The following EGLN3 variants were observed in gnomAD, a reference collection of about 807,000 sequenced individuals.
EGLN3 encodes the protein egl-9 family hypoxia inducible factor 3.
In EGLN3, 15 loss-of-function variants were observed where a neutral mutation model predicts 26.0. That is an observed-to-expected ratio of 0.58 (90% CI 0.39 to 0.89). The LOEUF is 0.89. Among genes scored for constraint, EGLN3 ranks in the 40% least tolerant of loss-of-function variants. The probability of loss-of-function intolerance (pLI) is 0.00; values close to 1 mark genes in which losing one functional copy is unlikely to be tolerated. For synonymous variants in EGLN3, 147 were observed against 127.2 expected (o/e 1.16, Z -1.05); for missense variants, 238 against 311.6 (o/e 0.76, Z 1.78).
At chr14:33,933,437 A>G (rs561500004) in intron 1 of EGLN3, among the ~76,000 whole-genome samples, 1 of 152,180 alleles carries the variant, frequency 6.6e-6, no homozygotes, top group African/African-American at 2.4e-5. Flanking sequence ...AAACCCCTAC[A>G]TGTCAGCAAA....
In EGLN3 at chr14:33,936,017, T is replaced by G. The variant is rs529497181; in HGVS notation, c.358-4802A>C. Among the ~76,000 whole-genome samples, 56 of 151,986 alleles carry G rather than the reference T, an allele frequency of 3.7e-4. No individual in the cohort carries two copies. The East Asian group carries it at 7.6e-3, about 21-fold the overall frequency. ...GGAGGCCGAGGTGGGTGGATCACAA[T>G]GTCAGGAGTTCAAGACCAGCCTAAC... On this transcript the variant is annotated intron_variant, in intron 1 of 4. Coordinates refer to ENST00000250457, the MANE Select transcript of EGLN3 (RefSeq NM_022073.4).
intron 4 of EGLN3, among the ~76,000 whole-genome samples, 187 bp from the exon 5 acceptor site, chr14:33,926,109 G>A (rs1055329086): frequency 2.6e-5 from 4 of 152,308 alleles, no homozygotes; most frequent in East Asian, 1.9e-4. Context: ...CTCACAGACT[G>A]TGGAGGAACT....
chr14:33,937,800 C>T (rs2064452975), intron 1 of EGLN3, among the ~76,000 whole-genome samples: 1 of 152,202 alleles, frequency 6.6e-6, no homozygotes. Context: ...CACATACCTA[C>T]ACCTGAATTT....
rs140149531 is a variant in EGLN3 at position 33,950,528 on chromosome 14, G to A, written c.225C>T (p.Gly75=). The A allele has an allele frequency of 5.7e-5, 92 of 1,613,422 alleles. No individual in the cohort carries two copies. The African/African-American group carries it at 1.0e-3, about 18-fold the overall frequency. The part of the protein sequence containing the change: ...RAGVSKRHLR[G]DQITWIGGNE... ...TGCCCCCGATCCACGTGATCTGGTC[G>A]CCCCGCAGGTGTCGCTTGGAGACGC... The change falls in exon 1 of 5, where the codon GGC becomes GGT. Residue 75 remains glycine, a synonymous_variant. Transcript: ENST00000250457.
chr14:33,939,967 T>C (rs914840111), intron 1 of EGLN3, among the ~76,000 whole-genome samples: 3 of 152,156 alleles, frequency 2.0e-5, no homozygotes, highest in Admixed American at 2.0e-4. Context: ...TCCACCTACC[T>C]CATCCTTGCC....
At chr14:33,940,843 T>A (rs2064477391) in intron 1 of EGLN3, among the ~76,000 whole-genome samples, 1 of 152,166 alleles carries the variant, frequency 6.6e-6, no homozygotes. Flanking sequence ...GCAGTGTCAT[T>A]CCCGAAGCTG....
intron 1 of EGLN3, among the ~76,000 whole-genome samples, chr14:33,939,418 G>T (rs2138821483): frequency 6.6e-6 from 1 of 152,260 alleles, no homozygotes; most frequent in Non-Finnish European, 1.5e-5. Flanking sequence ...CACTTTGTTA[G>T]CCAGGATGGT....
chr14:33,939,274 G>A (rs559212807), intron 1 of EGLN3, among the ~76,000 whole-genome samples: 80 of 151,834 alleles, frequency 5.3e-4, no homozygotes, highest in Non-Finnish European at 9.1e-4. Context: ...GCACTGGCGC[G>A]ATCTCGGCTC....
chr14:33,931,811 G>T (rs1464718450), intron 1 of EGLN3, among the ~76,000 whole-genome samples: 1 of 152,148 alleles, frequency 6.6e-6, no homozygotes, highest in African/African-American at 2.4e-5. Context: ...GACAACACAG[G>T]GAGATTCCTT....
intron 1 of EGLN3, among the ~76,000 whole-genome samples, chr14:33,944,896 G>C (rs1174207507): frequency 6.6e-6 from 1 of 152,180 alleles, no homozygotes; most frequent in East Asian, 1.9e-4. Context: ...AGGTTATAGT[G>C]AAGTGGCCAG....
At chr14:33,931,064 C>A (rs758509929) in intron 2 of EGLN3, 32 bp downstream of exon 2, 10 of 1,612,862 alleles carry the variant, frequency 6.2e-6, no homozygotes, top group Non-Finnish European at 8.5e-6. Context: ...TAGTTTCTAA[C>A]CCCACACTCT....
intron 3 of EGLN3, 32 bp downstream of exon 3, chr14:33,929,044 T>G: frequency 6.2e-7 from 1 of 1,609,918 alleles, no homozygotes; most frequent in Middle Eastern, 2.0e-4. Flanking sequence ...TACACCAAGC[T>G]CCGGAAGAGG....
intron 4 of EGLN3, 123 bp downstream of exon 4, chr14:33,926,837 A>T (rs1882512112): frequency 5.0e-6 from 3 of 597,712 alleles, no homozygotes; most frequent in Non-Finnish European, 7.8e-6. Context: ...ACCCATCAAG[A>T]TGTCATTATA....
At chr14:33,938,064 C>T (rs908758708) in intron 1 of EGLN3, among the ~76,000 whole-genome samples, 1 of 152,182 alleles carries the variant, frequency 6.6e-6, no homozygotes, top group Non-Finnish European at 1.5e-5. Context: ...GATGATAGTT[C>T]TACCAGGCAC....
At chr14:33,928,016 C>T (rs1168538545) in intron 3 of EGLN3, among the ~76,000 whole-genome samples, 1 of 151,958 alleles carries the variant, frequency 6.6e-6, no homozygotes, top group African/African-American at 2.4e-5. Flanking sequence ...ATTTCTATAG[C>T]ACTTGAGTTT....
At chr14:33,928,728 C>T (rs2064379460) in intron 3 of EGLN3, among the ~76,000 whole-genome samples, 1 of 151,794 alleles carries the variant, frequency 6.6e-6, no homozygotes, top group African/African-American at 2.4e-5. Context: ...ATGTGACAGC[C>T]AACATTCTCT....
At chr14:33,946,136 A>T (rs1190229586) in intron 1 of EGLN3, among the ~76,000 whole-genome samples, 1 of 152,178 alleles carries the variant, frequency 6.6e-6, no homozygotes, top group African/African-American at 2.4e-5. Flanking sequence ...GCACTTTGGG[A>T]GGCACCAAGG....
At chr14:33,930,191 T>C (rs1459911943) in intron 2 of EGLN3, among the ~76,000 whole-genome samples, 2 of 152,208 alleles carry the variant, frequency 1.3e-5, no homozygotes, top group African/African-American at 2.4e-5. Context: ...GACCTTGCAA[T>C]TTATTATTAC....
intron 1 of EGLN3, among the ~76,000 whole-genome samples, chr14:33,931,765 G>A (rs1594376667): frequency 6.6e-6 from 1 of 152,220 alleles, no homozygotes; most frequent in African/African-American, 2.4e-5. Flanking sequence ...AATAGAGGAA[G>A]ATCAATAGGA....
Sources: allele counts gnomAD v4.1 joint callset (sites outside exome capture counted in the v4.1 genomes callset), GRCh38; gene constraint gnomAD v4.1.1; transcripts MANE v1.5; gene names NCBI Gene and HGNC (gene_info 2026-07-23, HGNC 2026-07-21).